CDC37L1: variants seen among roughly 807,000 people sequenced by gnomAD.
CDC37L1 encodes the protein hsp90 co-chaperone Cdc37-like 1.
Under a neutral mutation model 45.9 loss-of-function variants are expected in CDC37L1, and 32 were observed. The observed-to-expected ratio is 0.70, with a 90% CI of 0.53 to 0.94. The LOEUF is 0.94. Ranked by LOEUF, CDC37L1 falls within the 40% of genes least tolerant of loss-of-function variation. The pLI is 0.00. For missense variants in CDC37L1, 434 were observed against 405.7 expected, an observed-to-expected ratio of 1.07 and a Z score of -0.60; for synonymous variants, 150 against 133.0, an observed-to-expected ratio of 1.13 and a Z score of -0.88.
Position 4,679,635 on chromosome 9 carries a change from G to C in CDC37L1, c.-133G>C, listed in dbSNP as rs951119249. 3.5e-5 allele frequency: 27 copies of C among 781,164 alleles called. No homozygotes were observed. Among genetic ancestry groups the C allele is most frequent in the Middle Eastern group, 4.2e-4 (1 of 2,406 alleles). 48.4% of individuals were successfully genotyped at this position (781,164 alleles called of 1,614,324 possible). A position where few individuals can be genotyped will look rare whatever the true frequency, so the allele number is the denominator to read the frequency against. On this transcript the variant is annotated 5_prime_UTR_variant, in exon 1 of 7. Coordinates refer to ENST00000381854, the MANE Select transcript of CDC37L1 (RefSeq NM_017913.4). ...GTGTGCAGCGGCGTCGCGGCCAGTAGAGGGATTCTGGGTAACGGCCCGGAC... is the reference window on the plus strand; with the variant it reads ...GTGTGCAGCGGCGTCGCGGCCAGTACAGGGATTCTGGGTAACGGCCCGGAC...
At chr9:4,688,641 G>A (rs751055279) in intron 3 of CDC37L1, 35 bp downstream of exon 3, 5 of 1,332,092 alleles carry the variant, frequency 3.8e-6, no homozygotes, top group Middle Eastern at 1.8e-4. Context: ...TCTTTGTAAT[G>A]TTTGGTATCA....
chr9:4,679,883 C>A lies in CDC37L1; in HGVS notation c.116C>A (p.Pro39Gln). 2.5e-6 allele frequency: 4 copies of A among 1,613,788 alleles called. No homozygotes were observed. Among genetic ancestry groups the A allele is most frequent in the Non-Finnish European group, 3.4e-6 (4 of 1,179,938 alleles). The change falls in exon 1 of 7, where the codon CCA becomes CAA. Residue 39 changes from proline to glutamine, a missense_variant. Pro to Gln is a moderately conservative substitution (Grantham distance 76). Coordinates refer to ENST00000381854, the MANE Select transcript of CDC37L1 (RefSeq NM_017913.4). The stretch of plus-strand genomic sequence containing the variant: ...AGTTCTCCCCGCTGCCCGCAGCTGC[C>A]AGGCGGCGGCGCCCAGGTGAGAAGG... Reference protein sequence around the residue: ...FPSSPRCPQLPGGGAQMYSHG... With the variant: ...FPSSPRCPQLQGGGAQMYSHG...
intron 3 of CDC37L1, among the ~76,000 whole-genome samples, chr9:4,691,713 T>G (rs1841302457): frequency 6.6e-6 from 1 of 152,192 alleles, no homozygotes; most frequent in Non-Finnish European, 1.5e-5. Context: ...CTTGTGCTGC[T>G]TTTACCCTTA....
intron 2 of CDC37L1, among the ~76,000 whole-genome samples, chr9:4,688,296 C>G (rs1841269516): frequency 6.6e-6 from 1 of 152,180 alleles, no homozygotes; most frequent in African/African-American, 2.4e-5. Context: ...CCACACCCGG[C>G]CTCATACATC....
intron 1 of CDC37L1, among the ~76,000 whole-genome samples, chr9:4,683,564 GAGTCTAA>G: frequency 6.6e-6 from 1 of 152,206 alleles, no homozygotes. Flanking sequence ...AATGGGAACT[GAGTCTAA>G]AGAGGTAATG....
chr9:4,697,685 C>A, intron 4 of CDC37L1, 72 bp from the exon 5 acceptor site: 4 of 744,018 alleles, frequency 5.4e-6, no homozygotes, highest in Non-Finnish European at 8.7e-6. Flanking sequence ...TTTAAAAATT[C>A]AAAATTTGAA....
intron 3 of CDC37L1, among the ~76,000 whole-genome samples, chr9:4,695,609 C>T (rs1418006125): frequency 2.6e-5 from 4 of 152,128 alleles, no homozygotes; most frequent in South Asian, 2.1e-4. Context: ...ATCCTGCCCC[C>T]TCAGACTCCC....
rs117734378 is a variant in CDC37L1, at chr9:4,695,111, C to T, written c.509-1985C>T. Among the ~76,000 whole-genome samples, 24 of 152,262 alleles carry T rather than the reference C, an allele frequency of 1.6e-4. 1 individual carries two copies. The East Asian group carries it at 4.6e-3, about 29-fold the overall frequency. ...GTGTAAGAAAGCTAAGGCAAAACTG[C>T]TTCATAGGATTTACTTTGTGGGTTC... On this transcript the variant is annotated intron_variant, in intron 3 of 6. Transcript: ENST00000381854.
intron 6 of CDC37L1, among the ~76,000 whole-genome samples, chr9:4,704,049 G>C (rs1841422550): frequency 6.6e-6 from 1 of 152,166 alleles, no homozygotes; most frequent in South Asian, 2.1e-4. Flanking sequence ...TCGACTAGTT[G>C]AGGGAAGTAA....
rs1254776322 is a variant in CDC37L1 at position 4,697,265 on chromosome 9, A to G, written c.624+54A>G. On this transcript the variant is annotated intron_variant, in intron 4 of 6. Coordinates refer to ENST00000381854, the MANE Select transcript of CDC37L1 (RefSeq NM_017913.4). ...GGAACCTTAGTGGAAATCTGATTTC[A>G]TACTTTATTGATGTTTTGTTTTGTT... 7.3e-6 allele frequency: 6 copies of G among 816,846 alleles called. No individual in the cohort carries two copies. The East Asian group carries it at 1.0e-4, about 14-fold the overall frequency. 50.6% of individuals were successfully genotyped at this position (816,846 alleles called of 1,614,324 possible).
intron 1 of CDC37L1, among the ~76,000 whole-genome samples, chr9:4,680,489 C>T (rs1036678388): frequency 2.0e-5 from 3 of 152,186 alleles, no homozygotes; most frequent in African/African-American, 4.8e-5. Flanking sequence ...TTTTGCTTCA[C>T]GTCATTCTCC....
At chr9:4,682,555 C>T (rs1841205065) in intron 1 of CDC37L1, among the ~76,000 whole-genome samples, 1 of 151,802 alleles carries the variant, frequency 6.6e-6, no homozygotes, top group Non-Finnish European at 1.5e-5. Flanking sequence ...TCTCGAGCTC[C>T]TCCTCGTGAT....
At chr9:4,689,186 A>G (rs1841278677) in intron 3 of CDC37L1, among the ~76,000 whole-genome samples, 1 of 152,196 alleles carries the variant, frequency 6.6e-6, no homozygotes, top group Non-Finnish European at 1.5e-5. Context: ...TTTTTCATGT[A>G]TAAGGGAGGC....
intron 3 of CDC37L1, among the ~76,000 whole-genome samples, chr9:4,691,338 C>T (rs1382175565): frequency 1.3e-5 from 2 of 152,168 alleles, no homozygotes; most frequent in African/African-American, 4.8e-5. Context: ...CTCCGCCCTT[C>T]GGTAAACTCC....
rs1018082991 is a variant in CDC37L1, at chr9:4,679,622, G to C, written c.-146G>C. ...AGGCTGTCGCCGGGTGTGCAGCGGC[G>C]TCGCGGCCAGTAGAGGGATTCTGGG... On this transcript the variant is annotated 5_prime_UTR_variant, in exon 1 of 7. Coordinates refer to ENST00000381854, the MANE Select transcript of CDC37L1 (RefSeq NM_017913.4). The C allele has an allele frequency of 1.3e-5, 9 of 684,934 alleles. No individual in the cohort carries two copies. The highest frequency in any genetic ancestry group is 2.4e-5 in the South Asian group (1 of 42,260). 42.4% of individuals were successfully genotyped at this position (684,934 alleles called of 1,614,324 possible). A position where few individuals can be genotyped will look rare whatever the true frequency, so the allele number is the denominator to read the frequency against.
chr9:4,683,389 C>T (rs889268312), intron 1 of CDC37L1, among the ~76,000 whole-genome samples: 3 of 151,802 alleles, frequency 2.0e-5, no homozygotes, highest in Admixed American at 2.0e-4. Context: ...CAGAAATATG[C>T]ATAACTTGGG....
rs367864448 is a variant in CDC37L1 at position 4,689,210 on chromosome 9, C to T, written c.508+604C>T. Among the ~76,000 whole-genome samples the T allele has an allele frequency of 3.2e-4, 48 of 152,162 alleles. No individual in the cohort carries two copies. In the East Asian group the frequency reaches 4.4e-3, roughly 14 times the overall value. On this transcript the variant is annotated intron_variant, in intron 3 of 6. Transcript: ENST00000381854. ...TATAAGGGAGGCAAGCCAACAGCAA[C>T]AGCATGAGACGGGCAGTTAGGAAAC...
chr9:4,683,537 C>G (rs1841217701), intron 1 of CDC37L1, among the ~76,000 whole-genome samples: 2 of 151,824 alleles, frequency 1.3e-5, no homozygotes, highest in South Asian at 4.2e-4. Flanking sequence ...GAAGAATAAG[C>G]AAACAAGTAG....
intron 2 of CDC37L1, among the ~76,000 whole-genome samples, chr9:4,687,678 C>CAAAAAAAAAAAAAAAAAAAAAAAAAAAAA (rs59932144): frequency 1.7e-5 from 1 of 58,408 alleles, no homozygotes; most frequent in African/African-American, 5.1e-5. Flanking sequence ...GACCCCATCT[C>CAAAAAAAAAAAAAAAAAAAAAAAAAAAAA]AAAAAAAAAA....
Sources: gnomAD v4.1 joint callset for allele counts (sites outside exome capture counted in the v4.1 genomes callset) on GRCh38, gnomAD v4.1.1 for gene constraint, MANE v1.5 for transcripts, NCBI Gene and HGNC (gene_info 2026-07-23, HGNC 2026-07-21) for gene names.